The following TAF3 variants were observed in gnomAD, a reference collection of about 807,000 sequenced individuals.
TAF3 encodes transcription initiation factor TFIID subunit 3.
TAF3 carries 7 observed loss-of-function variants against 80.6 expected under a neutral mutation model. That is an observed-to-expected ratio of 0.09 (90% CI 0.05 to 0.16). TAF3 has a LOEUF of 0.16. Among genes scored for constraint, TAF3 ranks in the 10% least tolerant of loss-of-function variants. The pLI, the probability that TAF3 is intolerant of heterozygous loss-of-function variation, is 1.00. For synonymous variants in TAF3, 444 were observed against 446.1 expected (o/e 1.00, Z 0.06); for missense variants, 921 against 1,140.2 (o/e 0.81, Z 2.77).
At chr10:7,941,119 T>C (rs985975250) in intron 2 of TAF3, among the ~76,000 whole-genome samples, 4 of 152,152 alleles carry the variant, frequency 2.6e-5, no homozygotes, top group South Asian at 4.1e-4. Flanking sequence ...GCCACAAATA[T>C]GAAGCTGAAG....
At position 7,824,363 on chromosome 10, in the gene TAF3, A is replaced by G. The variant is rs1357848709; in HGVS notation, c.212A>G (p.Gln71Arg). 1.2e-6 allele frequency: 2 copies of G among 1,614,130 alleles called. No homozygotes were observed. The highest frequency in any genetic ancestry group is 4.5e-5 in the East Asian group (2 of 44,882). The part of the protein sequence containing the change: ...PILDDVGEAF[Q>R]LMGVSLHELE... Reference sequence around the variant, plus strand: ...TTGGATGATGTTGGTGAAGCTTTCCAGCTGATGGGGGTTAGTCTACATGAA... The same window carrying G: ...TTGGATGATGTTGGTGAAGCTTTCCGGCTGATGGGGGTTAGTCTACATGAA... Residue 71 changes from glutamine (Q) to arginine (R), a missense_variant, in exon 2 of 7, where the codon CAG becomes CGG. Transcript: ENST00000344293.
chr10:7,864,822 CT>C (rs35873776), intron 2 of TAF3, among the ~76,000 whole-genome samples: 99,843 of 149,928 alleles, frequency 0.67, 34,037 homozygotes, highest in Middle Eastern at 0.79. Flanking sequence ...TATAGTTTAT[CT>C]TTTTTTTTTT....
intron 2 of TAF3, among the ~76,000 whole-genome samples, chr10:7,832,539 C>T (rs1836811995): frequency 6.6e-6 from 1 of 151,812 alleles, no homozygotes; most frequent in African/African-American, 2.4e-5. Flanking sequence ...TTTATCATTT[C>T]TTTCTTATTT....
chr10:8,004,919 C>T (rs1250680585), intron 4 of TAF3, among the ~76,000 whole-genome samples: 4 of 152,166 alleles, frequency 2.6e-5, no homozygotes, highest in Non-Finnish European at 4.4e-5. Context: ...ACTAATTAGA[C>T]CTTTTATTGT....
chr10:7,957,196 A>C (rs552973655), intron 2 of TAF3, among the ~76,000 whole-genome samples: 2 of 152,186 alleles, frequency 1.3e-5, no homozygotes, highest in African/African-American at 4.8e-5. Flanking sequence ...CCTATCCAGA[A>C]CTACCTTTCC....
intron 2 of TAF3, among the ~76,000 whole-genome samples, chr10:7,937,416 A>G (rs995974539): frequency 1.3e-5 from 2 of 152,132 alleles, no homozygotes; most frequent in Admixed American, 6.5e-5. Context: ...TTTAATTTCC[A>G]TTCTCCTAAT....
chr10:7,905,209 C>G (rs1192838600), intron 2 of TAF3, among the ~76,000 whole-genome samples: 1 of 152,082 alleles, frequency 6.6e-6, no homozygotes, highest in African/African-American at 2.4e-5. Flanking sequence ...GTTTGAGACC[C>G]CAGAGGTAGA....
At chr10:7,884,981 T>A (rs1265523494) in intron 2 of TAF3, among the ~76,000 whole-genome samples, 1 of 144,598 alleles carries the variant, frequency 6.9e-6, no homozygotes, top group South Asian at 2.2e-4. Context: ...ATCTGGAGTT[T>A]AATTTTTGTT....
intron 2 of TAF3, among the ~76,000 whole-genome samples, chr10:7,930,440 A>G (rs938312444): frequency 6.6e-6 from 1 of 152,228 alleles, no homozygotes; most frequent in African/African-American, 2.4e-5. Flanking sequence ...GGGAGTACAA[A>G]TTGATTTTTC....
chr10:8,013,981 C>T (rs1832080261), intron 6 of TAF3, 144 bp downstream of exon 6: 1 of 643,662 alleles, frequency 1.6e-6, no homozygotes, highest in Non-Finnish European at 2.7e-6. Context: ...ATCACTGAGC[C>T]TGTGAAGTGC....
intron 3 of TAF3, among the ~76,000 whole-genome samples, chr10:7,974,823 C>T (rs562527003): frequency 1.3e-5 from 2 of 152,222 alleles, no homozygotes; most frequent in Non-Finnish European, 2.9e-5. Flanking sequence ...CACCCGTAAT[C>T]CCAGCACTTT....
rs140159169 is a variant in TAF3 at position 8,008,856 on chromosome 10, ACTGT to A, written c.2316-218_2316-215del. 6.0e-3 allele frequency among the ~76,000 whole-genome samples: 919 copies of A among 152,326 alleles called. 2 individuals carry two copies. The highest frequency in any genetic ancestry group is 0.013 in the African/African-American group (541 of 41,576). On this transcript the variant is annotated intron_variant, in intron 4 of 6. Coordinates refer to ENST00000344293, the MANE Select transcript of TAF3 (RefSeq NM_031923.4). Reference sequence around the variant, plus strand: ...GTGTATTGGTTGCTAGAAATTTCTAACTGTCTGGCCATTGAGGGGAAGTTTGGAA... The same window carrying A: ...GTGTATTGGTTGCTAGAAATTTCTAACTGGCCATTGAGGGGAAGTTTGGAA...
At chr10:7,853,981 A>G (rs181535796) in intron 2 of TAF3, among the ~76,000 whole-genome samples, 59 of 152,336 alleles carry the variant, frequency 3.9e-4, no homozygotes, top group Non-Finnish European at 7.6e-4. Context: ...TTTTATTTGT[A>G]AATTATGTGC....
intron 2 of TAF3, among the ~76,000 whole-genome samples, chr10:7,831,352 C>CT (rs369568267): frequency 2.9e-4 from 43 of 147,184 alleles, no homozygotes; most frequent in Middle Eastern, 3.5e-3. Flanking sequence ...TCATTCATTA[C>CT]TTTTTTTTTT....
At chr10:7,826,692 A>G (rs1165930311) in intron 2 of TAF3, among the ~76,000 whole-genome samples, 1 of 152,196 alleles carries the variant, frequency 6.6e-6, no homozygotes, top group Non-Finnish European at 1.5e-5. Flanking sequence ...ATATATGCAT[A>G]TGGTTTATAA....
Position 7,964,853 on chromosome 10 carries a change from C to T in TAF3, c.1343C>T (p.Ser448Phe), listed in dbSNP as rs760124522. 6.2e-7 allele frequency: 1 copy of T among 1,614,180 alleles called. No homozygotes were observed. Among genetic ancestry groups the T allele is most frequent in the South Asian group, 1.1e-5 (1 of 91,086 alleles). ...TSANNFTKSG[S>F]TPLPLSGGTS... Reference sequence around the variant, plus strand: ...GCGAACAATTTCACAAAGTCAGGATCCACTCCTCTGCCTCTTTCCGGTGGA... The same window carrying T: ...GCGAACAATTTCACAAAGTCAGGATTCACTCCTCTGCCTCTTTCCGGTGGA... Residue 448 changes from serine (S) to phenylalanine (F), a missense_variant, in exon 3 of 7, where the codon TCC (serine) becomes TTC (phenylalanine). Coordinates refer to ENST00000344293, the MANE Select transcript of TAF3 (RefSeq NM_031923.4). This position sits in a 1 kb window ranked among gnomAD's most constrained non-coding sequence, Gnocchi z 4.1.
intron 4 of TAF3, among the ~76,000 whole-genome samples, chr10:7,998,430 A>T (rs1321212603): frequency 6.6e-6 from 1 of 152,068 alleles, no homozygotes; most frequent in East Asian, 1.9e-4. Context: ...CATTTCTGAG[A>T]TTTTAACTAT....
intron 2 of TAF3, among the ~76,000 whole-genome samples, chr10:7,935,271 T>C (rs2131200763): frequency 7.8e-6 from 1 of 127,862 alleles, no homozygotes; most frequent in South Asian, 2.5e-4. Context: ...CAAAACTCTG[T>C]TTCTAAATAA....
rs1777123543 is a variant in TAF3 at position 7,919,592 on chromosome 10, C to G, written c.410-44328C>G. On this transcript the variant is annotated intron_variant, in intron 2 of 6. Coordinates refer to ENST00000344293, the MANE Select transcript of TAF3 (RefSeq NM_031923.4). ...CATGGAGCATTGGTTCCAGGACCCCCCATAGAGAATCCTCAAATGCTCAAG... is the reference window on the plus strand; with the variant it reads ...CATGGAGCATTGGTTCCAGGACCCCGCATAGAGAATCCTCAAATGCTCAAG... Among the ~76,000 whole-genome samples, 4 of 152,166 alleles carry G rather than the reference C, an allele frequency of 2.6e-5. No individual in the cohort carries two copies. The South Asian group carries it at 8.3e-4, about 32-fold the overall frequency.
Sources: allele counts gnomAD v4.1 joint callset (sites outside exome capture counted in the v4.1 genomes callset), GRCh38; gene constraint gnomAD v4.1.1; non-coding constraint Gnocchi (gnomAD v3.1); transcripts MANE v1.5; gene names NCBI Gene and HGNC (gene_info 2026-07-23, HGNC 2026-07-21).